The following AP3S2 variants were observed in gnomAD, a reference collection of about 807,000 sequenced individuals.
The protein encoded by AP3S2 is AP-3 complex subunit sigma-2.
In AP3S2, 22 loss-of-function variants were observed where a neutral mutation model predicts 23.4. The observed-to-expected ratio is 0.94, with a 90% confidence interval of 0.67 to 1.34. The LOEUF (loss-of-function observed/expected upper bound fraction) is 1.34, where lower values mean the gene tolerates loss of function less well. AP3S2 is among the 40% of genes most tolerant of loss of function. AP3S2 has a pLI of 0.00. For missense variants in AP3S2, 241 were observed against 236.9 expected (o/e 1.02, Z -0.11); for synonymous variants, 86 against 87.1 (o/e 0.99, Z 0.07).
intron 4 of AP3S2, among the ~76,000 whole-genome samples, chr15:89,855,558 A>G (rs1895808702): frequency 6.8e-6 from 1 of 147,076 alleles, no homozygotes; most frequent in Non-Finnish European, 1.5e-5. Context: ...AAAAGAATGG[A>G]CTTTCCCAGG....
chr15:89,850,065 T>G lies in AP3S2; in HGVS notation c.346-12343A>C, dbSNP rs113228894. Among the ~76,000 whole-genome samples, 1,434 of 152,318 alleles carry G rather than the reference T, an allele frequency of 9.4e-3. 11 individuals are homozygous for G. The highest frequency in any genetic ancestry group is 0.015 in the Non-Finnish European group (1,054 of 68,026). Reference sequence around the variant, plus strand: ...GGTAAATTGTATTTTAATGCTAAGATTCCTTCAGGAACTCTCAGGCACATA... The same window carrying G: ...GGTAAATTGTATTTTAATGCTAAGAGTCCTTCAGGAACTCTCAGGCACATA... On this transcript the variant is annotated intron_variant, in intron 4 of 5. Transcript: ENST00000336418.
chr15:89,884,522 G>A (rs1896647350), intron 3 of AP3S2, among the ~76,000 whole-genome samples: 1 of 151,980 alleles, frequency 6.6e-6, no homozygotes, highest in Admixed American at 6.6e-5. Flanking sequence ...GCTTGTTAAT[G>A]GCAGAGTCAA....
At chr15:89,838,546 G>A (rs1327206961) in intron 4 of AP3S2, among the ~76,000 whole-genome samples, 10 of 152,160 alleles carry the variant, frequency 6.6e-5, no homozygotes, top group Non-Finnish European at 1.2e-4. Context: ...GCCCTGGGTG[G>A]GTCAAAGCAG....
chr15:89,879,961 ATTTT>A (rs34697679), intron 3 of AP3S2, among the ~76,000 whole-genome samples: 1 of 134,248 alleles, frequency 7.4e-6, no homozygotes. Context: ...CATACTCTTC[ATTTT>A]TTTTTTTTTT....
chr15:89,876,261 A>C (rs996948978), intron 3 of AP3S2, among the ~76,000 whole-genome samples: 1 of 152,110 alleles, frequency 6.6e-6, no homozygotes, highest in Admixed American at 6.5e-5. Flanking sequence ...TCTACTAAAA[A>C]TGCAAAAATT....
intron 4 of AP3S2, among the ~76,000 whole-genome samples, chr15:89,851,063 C>T (rs969283428): frequency 3.9e-5 from 6 of 152,084 alleles, no homozygotes; most frequent in Non-Finnish European, 7.3e-5. Context: ...CTTAACATCA[C>T]AGATTGTTAA....
intron 1 of AP3S2, among the ~76,000 whole-genome samples, chr15:89,892,563 A>G (rs1596226901): frequency 6.6e-6 from 1 of 152,354 alleles, no homozygotes; most frequent in South Asian, 2.1e-4. Context: ...GTTTTATCTC[A>G]GTAACCCTGT....
intron 4 of AP3S2, among the ~76,000 whole-genome samples, chr15:89,868,365 C>G (rs1242347865): frequency 4.5e-5 from 4 of 88,216 alleles, no homozygotes; most frequent in African/African-American, 8.5e-5. Flanking sequence ...CCCGCCCGGC[C>G]AGCCGCCCTG....
In AP3S2 at chr15:89,881,125, A is replaced by G. The variant is rs561808776; in HGVS notation, c.273+7396T>C. On this transcript the variant is annotated intron_variant, in intron 3 of 5. Transcript: ENST00000336418. ...TAGATGAGAGTATTCCAGGGGACAG[A>G]ACAAGTATAAAGGCCCAGACACAAA... Among the ~76,000 whole-genome samples the G allele has an allele frequency of 3.3e-5, 5 of 152,344 alleles. No homozygotes were observed. In the South Asian group the frequency reaches 1.0e-3, roughly 32 times the overall value.
Position 89,892,328 on chromosome 15 carries a change from T to C in AP3S2, c.69+1553A>G, listed in dbSNP as rs80334836. On this transcript the variant is annotated intron_variant, in intron 1 of 5. Coordinates refer to ENST00000336418, the MANE Select transcript of AP3S2 (RefSeq NM_005829.5). Reference sequence around the variant, plus strand: ...ATCTAAAATTGATTGTGGTGATGGTTACACAGCTTCTGTGAACATGCTAAA... The same window carrying C: ...ATCTAAAATTGATTGTGGTGATGGTCACACAGCTTCTGTGAACATGCTAAA... 2.0e-3 allele frequency among the ~76,000 whole-genome samples: 305 copies of C among 152,264 alleles called. 1 individual carries two copies. Among genetic ancestry groups the C allele is most frequent in the Non-Finnish European group, 3.1e-3 (211 of 68,032 alleles).
intron 3 of AP3S2, among the ~76,000 whole-genome samples, chr15:89,886,108 T>C (rs1896695243): frequency 6.6e-6 from 1 of 152,086 alleles, no homozygotes; most frequent in African/African-American, 2.4e-5. Flanking sequence ...CCCAGCACTT[T>C]GGGAGGCCGA....
chr15:89,887,938 T>C lies in AP3S2; in HGVS notation c.273+583A>G, dbSNP rs942668014. Among the ~76,000 whole-genome samples, 6 of 152,368 alleles carry C rather than the reference T, an allele frequency of 3.9e-5. No individual in the cohort carries two copies. The East Asian group carries it at 7.7e-4, about 20-fold the overall frequency. ...CGCCCGCCTTGGCCTCCCAAAGTGC[T>C]GGGATTATAGGCATGAGCCTATAAG... On this transcript the variant is annotated intron_variant, in intron 3 of 5. Transcript: ENST00000336418.
intron 4 of AP3S2, chr15:89,848,890 T>A (rs1209841881): frequency 6.6e-6 from 1 of 152,104 alleles, no homozygotes; most frequent in Non-Finnish European, 1.5e-5. Context: ...TAGAAAGAAA[T>A]GAAAAGAGGA....
At chr15:89,842,802 G>A (rs190537808) in intron 4 of AP3S2, among the ~76,000 whole-genome samples, 3 of 152,092 alleles carry the variant, frequency 2.0e-5, no homozygotes, top group South Asian at 4.2e-4. Context: ...TAGTAGAGAC[G>A]GGGTTTTACC....
chr15:89,840,461 T>A (rs764971928), intron 4 of AP3S2, among the ~76,000 whole-genome samples: 2 of 152,176 alleles, frequency 1.3e-5, no homozygotes, highest in Non-Finnish European at 2.9e-5. Context: ...TGAGTCTCAC[T>A]CTGTCACCCA....
intron 4 of AP3S2, among the ~76,000 whole-genome samples, chr15:89,868,334 G>A (rs1178675406): frequency 9.8e-6 from 1 of 102,164 alleles, no homozygotes; most frequent in African/African-American, 3.8e-5. Flanking sequence ...CCGTCCGGGA[G>A]GGAGGTGGAG....
At position 89,832,069 on chromosome 15, in the gene AP3S2, C is replaced by A. The variant is rs1895088948; in HGVS notation, c.*3446G>T. On this transcript the variant is annotated 3_prime_UTR_variant, in exon 6 of 6. Transcript: ENST00000336418. Reference sequence around the variant, plus strand: ...CTCTCTTAATCTTCAGAGCCTAGAACTGAGCTTGGCCCTCACCAGGCACTT... The same window carrying A: ...CTCTCTTAATCTTCAGAGCCTAGAAATGAGCTTGGCCCTCACCAGGCACTT... The A allele has an allele frequency of 6.6e-6, 1 of 152,206 alleles. No homozygotes were observed. Among genetic ancestry groups the A allele is most frequent in the Non-Finnish European group, 1.5e-5 (1 of 68,038 alleles). 9.4% of individuals were successfully genotyped at this position (152,206 alleles called of 1,614,324 possible).
At chr15:89,854,537 CG>C (rs1895763550) in intron 4 of AP3S2, among the ~76,000 whole-genome samples, 1 of 84,814 alleles carries the variant, frequency 1.2e-5, no homozygotes, top group Non-Finnish European at 2.6e-5. Context: ...GTCAGCCCCC[CG>C]CCCGGCCAGC....
intron 1 of AP3S2, chr15:89,893,240 G>C (rs1428235310): frequency 6.5e-6 from 1 of 152,880 alleles, no homozygotes; most frequent in African/African-American, 2.4e-5. Context: ...AATCTTCGAA[G>C]ACAGGAAGCA....
Sources: gnomAD v4.1 joint callset for allele counts (sites outside exome capture counted in the v4.1 genomes callset) on GRCh38, gnomAD v4.1.1 for gene constraint, MANE v1.5 for transcripts, NCBI Gene and HGNC (gene_info 2026-07-23, HGNC 2026-07-21) for gene names.